SGCZ: variants seen among roughly 807,000 people sequenced by gnomAD.
SGCZ encodes sarcoglycan zeta, also known as zeta-sarcoglycan.
SGCZ carries 40 observed loss-of-function variants against 41.3 expected under a neutral mutation model. That is an observed-to-expected ratio of 0.97 (90% CI 0.75 to 1.26). SGCZ has a LOEUF of 1.26. Among genes scored for constraint, SGCZ ranks in the 50% most tolerant of loss-of-function variants. The pLI, the probability that SGCZ is intolerant of heterozygous loss-of-function variation, is 0.00. For synonymous variants in SGCZ, 206 were observed against 137.5 expected (o/e 1.50, Z -3.49); for missense variants, 552 against 369.8 (o/e 1.49, Z -4.04).
At chr8:14,360,890 A>G (rs944693785) in intron 2 of SGCZ, among the ~76,000 whole-genome samples, 1 of 152,130 alleles carries the variant, frequency 6.6e-6, no homozygotes, top group Non-Finnish European at 1.5e-5. Flanking sequence ...TGGCTGTACC[A>G]TTCCACATTC....
intron 3 of SGCZ, among the ~76,000 whole-genome samples, chr8:14,321,237 T>C (rs1801908602): frequency 6.6e-6 from 1 of 152,100 alleles, no homozygotes; most frequent in Admixed American, 6.6e-5. Context: ...ATACATTGAA[T>C]TCTAAGATAT....
intron 1 of SGCZ, among the ~76,000 whole-genome samples, chr8:15,014,780 G>C (rs796371058): frequency 6.6e-6 from 1 of 152,302 alleles, no homozygotes; most frequent in African/African-American, 2.4e-5. Context: ...GGATAGGTGT[G>C]AGCATTGTGA....
intron 2 of SGCZ, among the ~76,000 whole-genome samples, chr8:14,341,113 CT>C (rs1802690010): frequency 1.3e-5 from 2 of 152,132 alleles, no homozygotes; most frequent in African/African-American, 4.8e-5. Context: ...AATTTCCTTC[CT>C]TTTTGCTGCT....
chr8:15,203,831 T>A (rs1249585606), intron 1 of SGCZ, among the ~76,000 whole-genome samples: 2 of 152,160 alleles, frequency 1.3e-5, no homozygotes, highest in Non-Finnish European at 2.9e-5. Context: ...ATAAATGAAA[T>A]AACTATAATT....
At chr8:14,843,211 T>TA (rs575298498) in intron 1 of SGCZ, among the ~76,000 whole-genome samples, 16 of 151,754 alleles carry the variant, frequency 1.1e-4, no homozygotes, top group African/African-American at 3.9e-4. Flanking sequence ...GAGTTGGTTT[T>TA]AAAAAAAGAA....
At chr8:14,935,298 A>C (rs1217701791) in intron 1 of SGCZ, among the ~76,000 whole-genome samples, 1 of 151,766 alleles carries the variant, frequency 6.6e-6, no homozygotes, top group African/African-American at 2.4e-5. Flanking sequence ...TTATTTGCTT[A>C]ATACTACATT....
chr8:14,633,992 C>G (rs556373018), intron 1 of SGCZ, among the ~76,000 whole-genome samples: 2 of 151,754 alleles, frequency 1.3e-5, no homozygotes, highest in African/African-American at 4.8e-5. Flanking sequence ...TCCAAGACTA[C>G]CAGTATAAAT....
At chr8:14,324,378 G>C (rs1446159699) in intron 2 of SGCZ, among the ~76,000 whole-genome samples, 174 bp from the exon 3 acceptor site, 1 of 152,032 alleles carries the variant, frequency 6.6e-6, no homozygotes, top group Non-Finnish European at 1.5e-5. Context: ...TGCATATAGA[G>C]GGCTCTATTT....
At chr8:15,021,650 C>T (rs547709955) in intron 1 of SGCZ, among the ~76,000 whole-genome samples, 10 of 152,192 alleles carry the variant, frequency 6.6e-5, no homozygotes, top group Admixed American at 6.5e-5. Context: ...TGGGATGTGA[C>T]GTGTTAATCC....
At chr8:14,553,891 CA>C (rs1417899716) in intron 2 of SGCZ, among the ~76,000 whole-genome samples, 3 of 152,008 alleles carry the variant, frequency 2.0e-5, no homozygotes, top group Admixed American at 6.6e-5. Flanking sequence ...GTCTGGTCAG[CA>C]GTGAAAGATA....
chr8:14,316,798 T>C (rs1801732137), intron 3 of SGCZ, among the ~76,000 whole-genome samples: 1 of 136,226 alleles, frequency 7.3e-6, no homozygotes, highest in Non-Finnish European at 1.6e-5. Flanking sequence ...TCCTGTCCAA[T>C]CTCATTTATT....
intron 1 of SGCZ, among the ~76,000 whole-genome samples, chr8:14,564,032 T>C (rs1335817905): frequency 6.6e-6 from 1 of 152,180 alleles, no homozygotes; most frequent in Non-Finnish European, 1.5e-5. Flanking sequence ...AAAATATAAA[T>C]TGAGCCTCTA....
chr8:15,195,341 A>G (rs563828079), intron 1 of SGCZ, among the ~76,000 whole-genome samples: 89 of 152,108 alleles, frequency 5.9e-4, no homozygotes, highest in Non-Finnish European at 6.8e-4. Flanking sequence ...GAATGATGGA[A>G]TGTTCGGTAA....
intron 3 of SGCZ, among the ~76,000 whole-genome samples, chr8:14,300,441 G>A (rs1387019920): frequency 6.6e-6 from 1 of 151,780 alleles, no homozygotes; most frequent in African/African-American, 2.4e-5. Context: ...CTTGGGTTCT[G>A]AAGTCAATAC....
intron 3 of SGCZ, among the ~76,000 whole-genome samples, chr8:14,266,352 A>T (rs1245294701): frequency 5.3e-5 from 8 of 152,168 alleles, no homozygotes. Context: ...TGGAATCAAT[A>T]TGATGATAAT....
At chr8:14,761,763 G>C (rs1270773493) in intron 1 of SGCZ, among the ~76,000 whole-genome samples, 1 of 151,960 alleles carries the variant, frequency 6.6e-6, no homozygotes, top group East Asian at 1.9e-4. Context: ...GAACTCAAGT[G>C]ATCCACCCAC....
intron 1 of SGCZ, among the ~76,000 whole-genome samples, chr8:14,924,813 T>A (rs1799696440): frequency 6.6e-6 from 1 of 151,928 alleles, no homozygotes; most frequent in Non-Finnish European, 1.5e-5. Flanking sequence ...TTGTTTTACG[T>A]TTAAGTATGG....
chr8:14,864,202 C>T (rs1803849270), intron 1 of SGCZ, among the ~76,000 whole-genome samples: 1 of 152,102 alleles, frequency 6.6e-6, no homozygotes, highest in Non-Finnish European at 1.5e-5. Context: ...TGCTCGAAAA[C>T]ATCCTCCACT....
intron 1 of SGCZ, among the ~76,000 whole-genome samples, chr8:15,233,360 A>AATAGAAT (rs1802019609): frequency 1.3e-5 from 2 of 151,696 alleles, no homozygotes; most frequent in African/African-American, 2.4e-5. Context: ...GAAAGAAAAA[A>AATAGAAT]ATAGAATTCT....
Sources: gnomAD v4.1 joint callset for allele counts (sites outside exome capture counted in the v4.1 genomes callset) on GRCh38, gnomAD v4.1.1 for gene constraint, MANE v1.5 for transcripts, NCBI Gene and HGNC (gene_info 2026-07-23, HGNC 2026-07-21) for gene names.